Variants in SOX5 observed in about 807,000 individuals in gnomAD.
SOX5 encodes transcription factor SOX-5.
In SOX5, 9 loss-of-function variants were observed where a neutral mutation model predicts 92.0. That is an observed-to-expected ratio of 0.10 (90% CI 0.06 to 0.17). The LOEUF (loss-of-function observed/expected upper bound fraction) is 0.17. SOX5 is among the 10% of genes least tolerant of loss of function. The pLI is 1.00. For synonymous variants in SOX5, 344 were observed against 336.3 expected (o/e 1.02, Z -0.25); for missense variants, 642 against 944.5 (o/e 0.68, Z 4.20).
intron 6 of SOX5, among the ~76,000 whole-genome samples, chr12:23,723,762 C>A (rs1187316883): frequency 2.0e-5 from 3 of 151,662 alleles, no homozygotes; most frequent in Non-Finnish European, 4.4e-5. Flanking sequence ...TTAATATAAT[C>A]TGTAATTAAA....
At chr12:23,573,306 C>T (rs74070886) in intron 10 of SOX5, among the ~76,000 whole-genome samples, 6,133 of 152,236 alleles carry the variant, frequency 0.04, 400 homozygotes, top group African/African-American at 0.14. Context: ...TTTATTTCTT[C>T]ATATTCTTCC....
At chr12:24,547,530 C>T (rs147870904) in intron 1 of SOX5, among the ~76,000 whole-genome samples, 20 of 152,312 alleles carry the variant, frequency 1.3e-4, no homozygotes, top group Admixed American at 6.5e-5. Flanking sequence ...AAGGAATAAA[C>T]ATTTTACTTA....
At chr12:23,602,980 T>G (rs1404082267) in intron 9 of SOX5, among the ~76,000 whole-genome samples, 1 of 152,146 alleles carries the variant, frequency 6.6e-6, no homozygotes, top group African/African-American at 2.4e-5. Flanking sequence ...CAAAGTGGCA[T>G]ATGTATACTC....
At chr12:23,717,853 A>T (rs2092598852) in intron 6 of SOX5, among the ~76,000 whole-genome samples, 1 of 152,236 alleles carries the variant, frequency 6.6e-6, no homozygotes, top group South Asian at 2.1e-4. Flanking sequence ...TTATAACTAT[A>T]TTCCAGCTAT....
intron 3 of SOX5, among the ~76,000 whole-genome samples, chr12:24,254,588 A>C (rs138292309): frequency 1.8e-4 from 28 of 151,976 alleles, no homozygotes; most frequent in Non-Finnish European, 3.8e-4. Context: ...TGAAGAACAG[A>C]AGGTAGCATG....
At chr12:24,426,385 A>G (rs1219217548) in intron 1 of SOX5, among the ~76,000 whole-genome samples, 3 of 152,222 alleles carry the variant, frequency 2.0e-5, no homozygotes, top group Non-Finnish European at 4.4e-5. Context: ...GGTGCAGCAA[A>G]CCAACATGGC....
rs542610025 is a variant in SOX5 at position 24,024,595 on chromosome 12, G to A, written c.-1-128571C>T. Among the ~76,000 whole-genome samples, 4 of 152,130 alleles carry A rather than the reference G, an allele frequency of 2.6e-5. No individual in the cohort carries two copies. In the South Asian group the frequency reaches 8.3e-4, roughly 31 times the overall value. ...AATATTTTGCTTCAAAACAAGTTGA[G>A]CTGACTAAAACTGACTACATTTCAG... On this transcript the variant is annotated intron_variant, in intron 4 of 4. Transcript: ENST00000446891.
intron 4 of SOX5, among the ~76,000 whole-genome samples, chr12:24,158,734 C>T (rs1208547363): frequency 6.6e-6 from 1 of 151,848 alleles, no homozygotes; most frequent in African/African-American, 2.4e-5. Flanking sequence ...CCTCTGAAGG[C>T]CTATGTGATT....
At chr12:23,917,950 A>G (rs544609431) in intron 1 of SOX5, among the ~76,000 whole-genome samples, 37 of 152,310 alleles carry the variant, frequency 2.4e-4, no homozygotes, top group Admixed American at 3.9e-4. Flanking sequence ...AATTATGAGT[A>G]ATTCTTCATG....
intron 3 of SOX5, 32 bp from the exon 4 acceptor site, chr12:23,755,756 A>G: frequency 2.9e-6 from 4 of 1,372,288 alleles, no homozygotes; most frequent in Non-Finnish European, 4.0e-6. Flanking sequence ...TGAGCAAATC[A>G]ACATGACTCT....
chr12:23,719,409 A>T (rs1485012895), intron 6 of SOX5, among the ~76,000 whole-genome samples: 1 of 152,158 alleles, frequency 6.6e-6, no homozygotes, highest in East Asian at 1.9e-4. Flanking sequence ...TATAAAGATT[A>T]TTAGCATTTC....
intron 4 of SOX5, among the ~76,000 whole-genome samples, chr12:23,990,213 T>A (rs1256254279): frequency 6.6e-6 from 1 of 152,136 alleles, no homozygotes; most frequent in Non-Finnish European, 1.5e-5. Flanking sequence ...CTGTCTTATT[T>A]TCATCTGGTC....
intron 9 of SOX5, among the ~76,000 whole-genome samples, chr12:23,598,934 C>T (rs1018544297): frequency 3.9e-5 from 6 of 152,272 alleles, no homozygotes; most frequent in Non-Finnish European, 8.8e-5. Context: ...TGATTATCCT[C>T]TGATTTCTCG....
At position 23,651,093 on chromosome 12, in the gene SOX5, C is replaced by G. The variant is rs182541966; in HGVS notation, c.932-10196G>C. ...TATGATTTAAGAAATATTGTTTCCCCAAATATTTAATTATTCCCTCATCGT... is the reference window on the plus strand; with the variant it reads ...TATGATTTAAGAAATATTGTTTCCCGAAATATTTAATTATTCCCTCATCGT... On this transcript the variant is annotated intron_variant, in intron 7 of 14. Transcript: ENST00000451604. Among the ~76,000 whole-genome samples, 495 of 151,864 alleles carry G rather than the reference C, an allele frequency of 3.3e-3. 3 individuals carry two copies. Among genetic ancestry groups the G allele is most frequent in the African/African-American group, 0.01 (433 of 41,464 alleles).
At chr12:23,689,700 C>T (rs2127307) in intron 6 of SOX5, among the ~76,000 whole-genome samples, 3 of 151,260 alleles carry the variant, frequency 2.0e-5, no homozygotes, top group Non-Finnish European at 2.9e-5. Flanking sequence ...TGTCATGATA[C>T]GAAGATGAGG....
In SOX5 at chr12:24,031,256, C is replaced by T. The variant is rs181808483; in HGVS notation, c.-1-135232G>A. 3.3e-5 allele frequency among the ~76,000 whole-genome samples: 5 copies of T among 151,666 alleles called. No individual in the cohort carries two copies. The East Asian group carries it at 9.7e-4, about 29-fold the overall frequency. ...TATATCAAAAAGATATCTACACTCT[C>T]ATGTTTACTGTAGCATTATTCACAA... On this transcript the variant is annotated intron_variant, in intron 4 of 4. Transcript: ENST00000446891.
At chr12:23,999,642 T>TA (rs1203524872) in intron 4 of SOX5, among the ~76,000 whole-genome samples, 1 of 152,016 alleles carries the variant, frequency 6.6e-6, no homozygotes, top group Admixed American at 6.6e-5. Flanking sequence ...TCTTTTACTT[T>TA]AAAAAAGTCT....
intron 2 of SOX5, among the ~76,000 whole-genome samples, chr12:24,279,601 G>A: frequency 6.6e-6 from 1 of 151,792 alleles, no homozygotes; most frequent in East Asian, 1.9e-4. Context: ...CTAGAGTTGA[G>A]AGAAAAAATT....
At chr12:24,018,371 C>T (rs578239331) in intron 4 of SOX5, among the ~76,000 whole-genome samples, 8 of 152,202 alleles carry the variant, frequency 5.3e-5, no homozygotes, top group South Asian at 2.1e-4. Flanking sequence ...CAATATTCAA[C>T]GTATCTGATG....
Sources: gnomAD v4.1 joint callset for allele counts (sites outside exome capture counted in the v4.1 genomes callset) on GRCh38, gnomAD v4.1.1 for gene constraint, MANE v1.5 for transcripts, NCBI Gene and HGNC (gene_info 2026-07-23, HGNC 2026-07-21) for gene names.